ALDH9A1: variants seen among roughly 807,000 people sequenced by gnomAD.
ALDH9A1 encodes the protein aldehyde dehydrogenase 9 family member A1, also known as 4-trimethylaminobutyraldehyde dehydrogenase.
In ALDH9A1, 42 loss-of-function variants were observed where a neutral mutation model predicts 56.6. That is an observed-to-expected ratio of 0.74 (90% CI 0.58 to 0.96). ALDH9A1 has a LOEUF of 0.96. Ranked by LOEUF, ALDH9A1 falls within the 40% of genes least tolerant of loss-of-function variation. The probability of loss-of-function intolerance (pLI) is 0.00; values close to 1 mark genes in which losing one functional copy is unlikely to be tolerated. For missense variants in ALDH9A1, 661 were observed against 651.5 expected (o/e 1.01, Z -0.16); for synonymous variants, 242 against 236.0 (o/e 1.03, Z -0.23).
rs1649572052 is a variant in ALDH9A1 at position 165,682,166 on chromosome 1, C to G, written c.533G>C (p.Gly178Ala). The G allele has an allele frequency of 6.2e-7, 1 of 1,614,062 alleles. No homozygotes were observed. Among genetic ancestry groups the G allele is most frequent in the African/African-American group, 1.3e-5 (1 of 75,026 alleles). The change falls in exon 4 of 11, where the codon GGA (glycine) becomes GCA (alanine). Residue 178 changes from glycine to alanine, a missense_variant. By Grantham distance (60) the Gly-to-Ala change is moderately conservative (BLOSUM62 0). Transcript: ENST00000354775. ...REPLGVCVGI[G>A]AWNYPFQIAS... ...AATCTGAAAGGGGTAGTTCCATGCT[C>G]CTATTCCCACACATACCCCAAGTGG...
chr1:165,681,967 C>T (rs1649564449), intron 4 of ALDH9A1, 140 bp downstream of exon 4: 10 of 1,185,800 alleles, frequency 8.4e-6, no homozygotes, highest in South Asian at 7.7e-5. Flanking sequence ...GCCATGTCCT[C>T]TGAGGCTTTG....
intron 2 of ALDH9A1, among the ~76,000 whole-genome samples, chr1:165,689,277 T>C (rs947130785): frequency 2.6e-5 from 4 of 152,132 alleles, no homozygotes; most frequent in Non-Finnish European, 5.9e-5. Context: ...CACTGACGAG[T>C]TGATTGAATA....
At chr1:165,689,208 G>T (rs1359651300) in intron 2 of ALDH9A1, among the ~76,000 whole-genome samples, 1 of 152,132 alleles carries the variant, frequency 6.6e-6, no homozygotes, top group African/African-American at 2.4e-5. Flanking sequence ...TTCGTTGGGA[G>T]AAAATTCTAT....
intron 5 of ALDH9A1, 101 bp from the exon 6 acceptor site, chr1:165,679,683 T>C: frequency 1.6e-6 from 2 of 1,266,058 alleles, no homozygotes; most frequent in Admixed American, 1.8e-5. Flanking sequence ...GAACTGTTTG[T>C]GACCTGTAGC....
Position 165,682,208 on chromosome 1 carries a change from C to T in ALDH9A1, c.491G>A (p.Gly164Asp), listed in dbSNP as rs1164758074. 3.1e-6 allele frequency: 5 copies of T among 1,613,690 alleles called. No individual in the cohort carries two copies. The Admixed American group carries it at 5.0e-5, about 16-fold the overall frequency. Reference sequence around the variant, plus strand: ...CCCAAGTGGTTCTCTTCTGGTATAACCAAACGATCCACCTGGGAGCTGGAT... The same window carrying T: ...CCCAAGTGGTTCTCTTCTGGTATAATCAAACGATCCACCTGGGAGCTGGAT... Reference protein sequence around the residue: ...EHIQLPGGSFGYTRREPLGVC... With the variant: ...EHIQLPGGSFDYTRREPLGVC... The change falls in exon 4 of 11, where the codon GGT becomes GAT. Residue 164 changes from glycine (G) to aspartate (D), a missense_variant. Gly to Asp is a moderately conservative substitution (Grantham distance 94). Transcript: ENST00000354775.
chr1:165,691,901 C>T (rs1649903980), intron 2 of ALDH9A1, among the ~76,000 whole-genome samples: 1 of 152,154 alleles, frequency 6.6e-6, no homozygotes, highest in Non-Finnish European at 1.5e-5. Context: ...CCCTGGGATG[C>T]AAGGCTGGTT....
intron 6 of ALDH9A1, among the ~76,000 whole-genome samples, chr1:165,678,957 C>A (rs1649455798): frequency 6.6e-6 from 1 of 152,162 alleles, no homozygotes; most frequent in East Asian, 1.9e-4. Context: ...TCATCCTTGA[C>A]TGGATCCTAG....
chr1:165,668,837 T>A, intron 8 of ALDH9A1, 89 bp downstream of exon 8: 2 of 1,094,532 alleles, frequency 1.8e-6, no homozygotes, highest in Non-Finnish European at 2.7e-6. Context: ...GCCCTTGCTT[T>A]ATATCATGTA....
At chr1:165,671,739 T>C in intron 6 of ALDH9A1, 1 of 342,880 alleles carries the variant, frequency 2.9e-6, no homozygotes. Flanking sequence ...TAAATTTGTC[T>C]ATGTACTTGA....
chr1:165,668,205 C>T (rs2348727), intron 8 of ALDH9A1, among the ~76,000 whole-genome samples: 63,355 of 152,004 alleles, frequency 0.42, 13,441 homozygotes, highest in Middle Eastern at 0.5. Flanking sequence ...GTCTGGATGC[C>T]TTTCTCCTCC....
Position 165,681,976 on chromosome 1 carries a change from T to C in ALDH9A1, c.592+131A>G, listed in dbSNP as rs1649564940. 5.5e-6 allele frequency: 7 copies of C among 1,274,530 alleles called. No homozygotes were observed. In the South Asian group the frequency reaches 7.4e-5, roughly 14 times the overall value. 79.0% of individuals were successfully genotyped at this position (1,274,530 alleles called of 1,614,324 possible). ...GAACGAGCCATGTCCTCTGAGGCTT[T>C]GAATATCCCAGAGCAGGCCCCTTCC... On this transcript the variant is annotated intron_variant, in intron 4 of 10. Coordinates refer to ENST00000354775, the MANE Select transcript of ALDH9A1 (RefSeq NM_000696.4).
At chr1:165,678,249 G>A (rs1313256738) in intron 6 of ALDH9A1, among the ~76,000 whole-genome samples, 2 of 151,182 alleles carry the variant, frequency 1.3e-5, no homozygotes, top group Non-Finnish European at 2.9e-5. Flanking sequence ...CGGGGGAATC[G>A]CTTAAACCTG....
chr1:165,668,114 A>G (rs1398710099), intron 8 of ALDH9A1, among the ~76,000 whole-genome samples: 4 of 152,210 alleles, frequency 2.6e-5, no homozygotes, highest in Admixed American at 6.5e-5. Context: ...GGAGGTGCTA[A>G]AAATTATTAA....
intron 1 of ALDH9A1, among the ~76,000 whole-genome samples, chr1:165,695,716 T>C (rs1025290681): frequency 6.6e-5 from 10 of 152,030 alleles, no homozygotes; most frequent in Non-Finnish European, 1.3e-4. Context: ...CAGGATGGTC[T>C]TGATCTCCTG....
intron 2 of ALDH9A1, among the ~76,000 whole-genome samples, chr1:165,689,476 C>A (rs1437904001): frequency 1.3e-5 from 2 of 152,204 alleles, no homozygotes; most frequent in African/African-American, 4.8e-5. Flanking sequence ...CTCTCTCACT[C>A]TCTCCCCAGA....
At chr1:165,681,064 A>G (rs1649536566) in intron 4 of ALDH9A1, among the ~76,000 whole-genome samples, 1 of 152,200 alleles carries the variant, frequency 6.6e-6, no homozygotes, top group Non-Finnish European at 1.5e-5. Context: ...TAGCATGAGA[A>G]AGACCAGCCC....
At chr1:165,685,966 A>G (rs961476904) in intron 2 of ALDH9A1, among the ~76,000 whole-genome samples, 4 of 152,302 alleles carry the variant, frequency 2.6e-5, no homozygotes, top group South Asian at 2.1e-4. Context: ...GGGGTCTCCA[A>G]CTGAAAAATG....
At chr1:165,685,696 C>T (rs1026890693) in intron 2 of ALDH9A1, among the ~76,000 whole-genome samples, 3 of 152,010 alleles carry the variant, frequency 2.0e-5, no homozygotes, top group South Asian at 2.1e-4. Context: ...AGAGAAAAGA[C>T]GAGGCTGGAG....
intron 6 of ALDH9A1, among the ~76,000 whole-genome samples, chr1:165,673,644 C>T (rs1649252740): frequency 6.6e-6 from 1 of 152,120 alleles, no homozygotes; most frequent in South Asian, 2.1e-4. Flanking sequence ...TTATAAGCGA[C>T]CCTCACCCTG....
Sources: allele counts gnomAD v4.1 joint callset (sites outside exome capture counted in the v4.1 genomes callset), GRCh38; gene constraint gnomAD v4.1.1; transcripts MANE v1.5; gene names NCBI Gene and HGNC (gene_info 2026-07-23, HGNC 2026-07-21).